The following RBFOX1 variants were observed in gnomAD, a reference collection of about 807,000 sequenced individuals.
RBFOX1 encodes RNA binding fox-1 homolog 1.
RBFOX1 carries 8 observed loss-of-function variants against 57.7 expected under a neutral mutation model. The ratio of observed to expected loss-of-function variants is 0.14; its 90% CI spans 0.08 to 0.25. RBFOX1 has a LOEUF of 0.25. RBFOX1 is among the 10% of genes least tolerant of loss of function. The pLI is 1.00. For synonymous variants in RBFOX1, 326 were observed against 222.4 expected (o/e 1.47, Z -4.15); for missense variants, 611 against 548.5 (o/e 1.11, Z -1.14).
At chr16:5,889,648 C>G (rs1051764551) in intron 4 of RBFOX1, among the ~76,000 whole-genome samples, 10 of 152,338 alleles carry the variant, frequency 6.6e-5, no homozygotes, top group African/African-American at 2.4e-4. Context: ...CCACACATGT[C>G]CTCGTGCACT....
At chr16:6,930,730 G>A (rs912782088) in intron 3 of RBFOX1, among the ~76,000 whole-genome samples, 1 of 152,052 alleles carries the variant, frequency 6.6e-6, no homozygotes, top group Non-Finnish European at 1.5e-5. Flanking sequence ...TTTTTAAAAT[G>A]GGTTTAACAT....
intron 2 of RBFOX1, among the ~76,000 whole-genome samples, chr16:6,538,037 C>CACATAATATAAAATACAGAT (rs1458420119): frequency 6.6e-6 from 1 of 151,076 alleles, no homozygotes; most frequent in African/African-American, 2.4e-5. Context: ...AGGTAAAATT[C>CACATAATATAAAATACAGAT]ACATAATATA....
intron 3 of RBFOX1, among the ~76,000 whole-genome samples, chr16:6,776,627 C>T (rs750580027): frequency 2.6e-5 from 4 of 152,022 alleles, no homozygotes; most frequent in African/African-American, 9.7e-5. Flanking sequence ...TTTTCTTTAT[C>T]CCTTTCAAAT....
At chr16:5,961,157 AGAAT>A (rs2152288056) in intron 4 of RBFOX1, among the ~76,000 whole-genome samples, 1 of 143,404 alleles carries the variant, frequency 7.0e-6, no homozygotes, top group Non-Finnish European at 1.5e-5. Context: ...CCTCTCTCCA[AGAAT>A]TTTGAGCCTT....
At chr16:5,760,002 T>G (rs1366194963) in intron 3 of RBFOX1, among the ~76,000 whole-genome samples, 1 of 138,948 alleles carries the variant, frequency 7.2e-6, no homozygotes, top group Non-Finnish European at 1.6e-5. Context: ...ATATCCCCAC[T>G]GGGTTAAAAA....
intron 10 of RBFOX1, among the ~76,000 whole-genome samples, chr16:7,625,000 G>T (rs1351238219): frequency 6.6e-6 from 1 of 152,152 alleles, no homozygotes; most frequent in African/African-American, 2.4e-5. Context: ...GTGGGGCCTG[G>T]AACAGAGAAA....
chr16:6,277,021 T>G (rs976416702), intron 1 of RBFOX1, among the ~76,000 whole-genome samples: 2 of 152,184 alleles, frequency 1.3e-5, no homozygotes, highest in African/African-American at 4.8e-5. Flanking sequence ...CCTACCTGGT[T>G]AAATGAGTGT....
chr16:5,677,924 C>T (rs1273641588), intron 3 of RBFOX1, among the ~76,000 whole-genome samples: 1 of 152,138 alleles, frequency 6.6e-6, no homozygotes, highest in Non-Finnish European at 1.5e-5. Context: ...TGTTAAAGAG[C>T]TTTGCTTTTA....
chr16:6,781,338 T>A (rs944496576), intron 3 of RBFOX1, among the ~76,000 whole-genome samples: 2 of 152,140 alleles, frequency 1.3e-5, no homozygotes, highest in African/African-American at 4.8e-5. Context: ...TAGTATTTTG[T>A]TGAGGATTTT....
intron 5 of RBFOX1, 55 bp downstream of exon 5, chr16:7,518,444 T>C (rs751578994): frequency 3.2e-5 from 49 of 1,550,800 alleles, no homozygotes; most frequent in Admixed American, 2.1e-4. Context: ...CCCCCAGCCC[T>C]GGTAATGGCA....
intron 3 of RBFOX1, among the ~76,000 whole-genome samples, chr16:5,677,502 C>T (rs765332430): frequency 7.2e-5 from 11 of 152,188 alleles, no homozygotes; most frequent in African/African-American, 1.4e-4. Context: ...GCCTACGACT[C>T]GCCTGCCTCC....
intron 2 of RBFOX1, among the ~76,000 whole-genome samples, chr16:6,416,661 T>A (rs979421370): frequency 1.3e-5 from 2 of 152,098 alleles, no homozygotes; most frequent in African/African-American, 4.8e-5. Flanking sequence ...AAAAAGAAAG[T>A]CTAAGGGAGA....
chr16:7,272,328 G>A (rs958163037), intron 4 of RBFOX1, among the ~76,000 whole-genome samples: 1 of 151,226 alleles, frequency 6.6e-6, no homozygotes, highest in African/African-American at 2.4e-5. Flanking sequence ...GGGATTACAG[G>A]CGCCCACCAC....
exon 3 of RBFOX1, chr16:5,599,032 T>A: frequency 1.5e-6 from 2 of 1,300,062 alleles, no homozygotes; most frequent in Non-Finnish European, 2.1e-6. Flanking sequence ...GCCTCTTTGG[T>A]CTCCGTCATC....
chr16:6,926,392 C>T (rs959049878), intron 3 of RBFOX1, among the ~76,000 whole-genome samples: 1 of 152,164 alleles, frequency 6.6e-6, no homozygotes, highest in Middle Eastern at 3.2e-3. Context: ...GCAGAAAGTA[C>T]CCACTGGGAT....
chr16:6,446,285 G>C (rs1185750903), intron 2 of RBFOX1, among the ~76,000 whole-genome samples: 7 of 152,166 alleles, frequency 4.6e-5, no homozygotes, highest in Admixed American at 4.6e-4. Context: ...TGACAGGCGT[G>C]AGCCACCACA....
At chr16:6,266,247 T>G (rs1417845700) in intron 1 of RBFOX1, among the ~76,000 whole-genome samples, 3 of 152,134 alleles carry the variant, frequency 2.0e-5, no homozygotes, top group African/African-American at 7.2e-5. Flanking sequence ...AGCCAACACA[T>G]AGCCTAGTGA....
At chr16:6,270,033 G>A (rs1247950948) in intron 1 of RBFOX1, among the ~76,000 whole-genome samples, 2 of 152,072 alleles carry the variant, frequency 1.3e-5, no homozygotes, top group Non-Finnish European at 2.9e-5. Context: ...GACAAGTTAT[G>A]TATGTATATT....
intron 4 of RBFOX1, among the ~76,000 whole-genome samples, chr16:7,336,350 T>C (rs1323667820): frequency 2.0e-5 from 3 of 152,256 alleles, no homozygotes; most frequent in South Asian, 2.1e-4. Flanking sequence ...CTCATAGATA[T>C]GCCCTTGGGC....
Sources: gnomAD v4.1 joint callset for allele counts (sites outside exome capture counted in the v4.1 genomes callset) on GRCh38, gnomAD v4.1.1 for gene constraint, MANE v1.5 for transcripts, NCBI Gene and HGNC (gene_info 2026-07-23, HGNC 2026-07-21) for gene names.